The following VPS13D variants were observed in gnomAD, a reference collection of about 807,000 sequenced individuals.
VPS13D encodes intermembrane lipid transfer protein VPS13D.
In VPS13D, 187 loss-of-function variants were observed where a neutral mutation model predicts 461.9. That is an observed-to-expected ratio of 0.40 (90% CI 0.36 to 0.46). The LOEUF (loss-of-function observed/expected upper bound fraction) is 0.46. VPS13D is among the 20% of genes least tolerant of loss of function. The probability of loss-of-function intolerance (pLI) is 0.60; values close to 1 mark genes in which losing one functional copy is unlikely to be tolerated. For synonymous variants in VPS13D, 1,951 were observed against 1,986.3 expected, an observed-to-expected ratio of 0.98 and a Z score of 0.47; for missense variants, 4,711 against 5,364.9, an observed-to-expected ratio of 0.88 and a Z score of 3.81.
At chr1:12,288,687 G>T (rs1462421354) in intron 22 of VPS13D, among the ~76,000 whole-genome samples, 1 of 151,722 alleles carries the variant, frequency 6.6e-6, no homozygotes, top group Admixed American at 6.6e-5. Flanking sequence ...AGTTAAAGGG[G>T]ACATCATTAA....
intron 63 of VPS13D, among the ~76,000 whole-genome samples, chr1:12,411,891 G>C (rs901291284): frequency 6.6e-6 from 1 of 152,218 alleles, no homozygotes; most frequent in Non-Finnish European, 1.5e-5. Context: ...CGTGGTGGAA[G>C]CATCAAAACA....
In VPS13D at chr1:12,369,670, C is replaced by A. The variant is rs768158872; in HGVS notation, c.10776C>A (p.Phe3592Leu). ...QDNRQLYYEN[F>L]IYIAATYTFS... is the part of the protein sequence containing the mutation. ...ATCGGCAGCTTTATTATGAAAATTT[C>A]ATTTACATTGCTGCTACATATACAT... The change falls in exon 54 of 70, where the codon TTC (phenylalanine) becomes TTA (leucine). Residue 3592 changes from phenylalanine to leucine, a missense_variant. Phe to Leu is a conservative substitution (Grantham distance 22). Coordinates refer to ENST00000620676, the MANE Select transcript of VPS13D (RefSeq NM_015378.4). 6.2e-7 allele frequency: 1 copy of A among 1,614,094 alleles called. No individual in the cohort carries two copies. The highest frequency in any genetic ancestry group is 1.1e-5 in the South Asian group (1 of 91,064).
At chr1:12,392,601 G>A (rs959967126) in intron 60 of VPS13D, among the ~76,000 whole-genome samples, 7 of 150,826 alleles carry the variant, frequency 4.6e-5, no homozygotes, top group Non-Finnish European at 7.4e-5. Flanking sequence ...TTCAGGTTGC[G>A]TGGTGACTTG....
intron 25 of VPS13D, among the ~76,000 whole-genome samples, chr1:12,302,587 T>C (rs185616420): frequency 1.1e-4 from 16 of 152,346 alleles, no homozygotes; most frequent in African/African-American, 3.8e-4. Flanking sequence ...TAAGTGGCAG[T>C]GCATACAAGG....
chr1:12,296,047 A>G (rs1642266485), intron 24 of VPS13D, among the ~76,000 whole-genome samples: 1 of 152,082 alleles, frequency 6.6e-6, no homozygotes, highest in Non-Finnish European at 1.5e-5. Flanking sequence ...TATTTTTACC[A>G]TTGCATTTCA....
At chr1:12,499,705 T>A (rs932480197) in intron 68 of VPS13D, 1 of 985,330 alleles carries the variant, frequency 1.0e-6, no homozygotes, top group African/African-American at 1.7e-5. Flanking sequence ...GGTTAAATCT[T>A]GCCAATGAAT....
intron 33 of VPS13D, 54 bp from the exon 34 acceptor site, chr1:12,322,482 G>T: frequency 5.8e-6 from 9 of 1,544,814 alleles, no homozygotes; most frequent in Non-Finnish European, 8.0e-6. Context: ...AAGAGATATG[G>T]ATGTAAAACC....
At chr1:12,236,760 G>A (rs548854996) in intron 2 of VPS13D, among the ~76,000 whole-genome samples, 18 of 152,224 alleles carry the variant, frequency 1.2e-4, no homozygotes, top group African/African-American at 3.9e-4. Context: ...CTGAAATAGT[G>A]GTCAAGGGTA....
Position 12,496,856 on chromosome 1 carries a change from G to GCCAGGT in VPS13D, c.12663-602_12663-597dup, listed in dbSNP as rs544192024. ...TGCAGAATCCCAGCCTGTGGCCTGG[G>GCCAGGT]CCAGGTCCAGGTCCAGGTCCAGGTC... is the stretch of plus-strand genomic sequence containing the variant. On this transcript the variant is annotated intron_variant, in intron 67 of 69. Coordinates refer to ENST00000620676, the MANE Select transcript of VPS13D (RefSeq NM_015378.4). Among the ~76,000 whole-genome samples, 989 of 152,140 alleles carry GCCAGGT rather than the reference G, an allele frequency of 6.5e-3. 7 individuals are homozygous for GCCAGGT. The highest frequency in any genetic ancestry group is 0.014 in the Middle Eastern group (4 of 294).
At chr1:12,458,481 C>T (rs144762854) in intron 66 of VPS13D, among the ~76,000 whole-genome samples, 2 of 152,038 alleles carry the variant, frequency 1.3e-5, no homozygotes, top group East Asian at 1.9e-4. Context: ...GAGGGAGAAT[C>T]GCTTGAGCCC....
intron 55 of VPS13D, among the ~76,000 whole-genome samples, chr1:12,377,978 T>C (rs891821337): frequency 6.6e-6 from 1 of 152,166 alleles, no homozygotes; most frequent in Non-Finnish European, 1.5e-5. Flanking sequence ...GGAAGACCTC[T>C]GGTAAATTCT....
intron 7 of VPS13D, 128 bp downstream of exon 7, chr1:12,253,954 A>G (rs199759920): frequency 1.4e-6 from 1 of 692,774 alleles, no homozygotes; most frequent in Non-Finnish European, 2.5e-6. Flanking sequence ...CTCTAAAGCC[A>G]TTCACTCTCA....
intron 65 of VPS13D, among the ~76,000 whole-genome samples, chr1:12,418,364 A>T (rs1311603680): frequency 6.6e-6 from 1 of 152,218 alleles, no homozygotes; most frequent in African/African-American, 2.4e-5. Context: ...CATAGTGGTA[A>T]CACAGATCCC....
At position 12,352,354 on chromosome 1, in the gene VPS13D, T is replaced by G. The variant is rs749809886; in HGVS notation, c.9432-1620T>G. Among the ~76,000 whole-genome samples, 61 of 151,950 alleles carry G rather than the reference T, an allele frequency of 4.0e-4. 1 individual carries two copies. Among genetic ancestry groups the G allele is most frequent in the Non-Finnish European group, 1.5e-4 (10 of 67,978 alleles). ...AAAAATACATATATCTGAGAAAGGA[T>G]TTTTGCATGGAGTACATGAAGAACT... On this transcript the variant is annotated intron_variant, in intron 46 of 69. Coordinates refer to ENST00000620676, the MANE Select transcript of VPS13D (RefSeq NM_015378.4).
intron 6 of VPS13D, among the ~76,000 whole-genome samples, chr1:12,250,211 T>C (rs235232): frequency 6.6e-6 from 1 of 152,176 alleles, no homozygotes; most frequent in South Asian, 2.1e-4. Context: ...GTTCAAAGTT[T>C]TTATGCAGCT....
At position 12,326,030 on chromosome 1, in the gene VPS13D, G is replaced by A. The variant is rs1276958213; in HGVS notation, c.7991-1618G>A. Among the ~76,000 whole-genome samples, 5 of 141,806 alleles carry A rather than the reference G, an allele frequency of 3.5e-5. No homozygotes were observed. The South Asian group carries it at 8.9e-4, about 25-fold the overall frequency. The allele number at this position is 141,806 out of a possible 152,430, so 93.0% of individuals were successfully genotyped here. On this transcript the variant is annotated intron_variant, in intron 35 of 69. Transcript: ENST00000620676. ...AAATTTTTTTTGGGGCTCTTGAATC[G>A]ACAAATCTTTTTCTAAAAAAATTGT...
intron 1 of VPS13D, among the ~76,000 whole-genome samples, chr1:12,233,301 C>T (rs962914557): frequency 3.9e-5 from 6 of 152,298 alleles, no homozygotes; most frequent in Non-Finnish European, 5.9e-5. Flanking sequence ...CCACCACCCC[C>T]GGCCTCTTTC....
chr1:12,401,224 A>C (rs1570099531), intron 61 of VPS13D, among the ~76,000 whole-genome samples: 1 of 152,076 alleles, frequency 6.6e-6, no homozygotes, highest in African/African-American at 2.4e-5. Flanking sequence ...GTCCTTTATC[A>C]CCAGTGCTGA....
At chr1:12,256,629 GTTGTGTTAGGT>G in intron 8 of VPS13D, 126 bp downstream of exon 8, 1 of 1,044,244 alleles carries the variant, frequency 9.6e-7, no homozygotes, top group Non-Finnish European at 1.4e-6. Context: ...CCAGACTAAA[GTTGTGTTAGGT>G]ATAAAACTCA....
Sources: gnomAD v4.1 joint callset for allele counts (sites outside exome capture counted in the v4.1 genomes callset) on GRCh38, gnomAD v4.1.1 for gene constraint, MANE v1.5 for transcripts, NCBI Gene and HGNC (gene_info 2026-07-23, HGNC 2026-07-21) for gene names.